The following CCDC149 variants were observed in gnomAD, a reference collection of about 807,000 sequenced individuals.
The protein encoded by CCDC149 is coiled-coil domain-containing protein 149.
Under a neutral mutation model 59.9 loss-of-function variants are expected in CCDC149, and 45 were observed. The ratio of observed to expected loss-of-function variants is 0.75; its 90% confidence interval spans 0.59 to 0.96. CCDC149 has a LOEUF of 0.96. Among genes scored for constraint, CCDC149 ranks in the 40% least tolerant of loss-of-function variants. CCDC149 has a pLI of 0.00. For synonymous variants in CCDC149, 245 were observed against 260.6 expected (o/e 0.94, Z 0.58); for missense variants, 584 against 664.7 (o/e 0.88, Z 1.33).
chr4:24,907,411 T>C (rs1721599181), intron 1 of CCDC149, among the ~76,000 whole-genome samples: 1 of 152,168 alleles, frequency 6.6e-6, no homozygotes, highest in Admixed American at 6.5e-5. Flanking sequence ...CCACGTGTCA[T>C]GCAGCAGGGC....
intron 1 of CCDC149, among the ~76,000 whole-genome samples, chr4:24,929,910 A>G (rs138921418): frequency 1.3e-5 from 2 of 152,330 alleles, no homozygotes; most frequent in African/African-American, 4.8e-5. Flanking sequence ...ACCAACAAGC[A>G]TGCACTTTGA....
At chr4:24,960,213 T>C (rs1189840229) in intron 1 of CCDC149, among the ~76,000 whole-genome samples, 1 of 152,188 alleles carries the variant, frequency 6.6e-6, no homozygotes, top group African/African-American at 2.4e-5. Context: ...GTCAACCATA[T>C]ACACTATAAC....
chr4:24,921,923 T>G (rs1388313201), intron 1 of CCDC149, among the ~76,000 whole-genome samples: 2 of 152,262 alleles, frequency 1.3e-5, no homozygotes, highest in East Asian at 1.9e-4. Flanking sequence ...TGGGGGTGTT[T>G]AAATAGCAGA....
At chr4:24,868,293 C>T (rs1207740584) in intron 3 of CCDC149, among the ~76,000 whole-genome samples, 1 of 152,180 alleles carries the variant, frequency 6.6e-6, no homozygotes, top group Admixed American at 6.5e-5. Flanking sequence ...ATTTTCCTCC[C>T]CATGCTGAAC....
chr4:24,813,919 A>T (rs1488648875), intron 12 of CCDC149, among the ~76,000 whole-genome samples: 1 of 152,214 alleles, frequency 6.6e-6, no homozygotes, highest in Non-Finnish European at 1.5e-5. Context: ...CAGCGATGTG[A>T]TAACAAACAT....
intron 4 of CCDC149, among the ~76,000 whole-genome samples, chr4:24,839,242 C>T (rs1206768367): frequency 2.0e-5 from 3 of 151,394 alleles, no homozygotes; most frequent in East Asian, 1.9e-4. Context: ...TGCAGTGGCA[C>T]GATCTTGGCT....
chr4:24,912,237 T>C (rs1468673210), intron 1 of CCDC149, among the ~76,000 whole-genome samples: 1 of 152,232 alleles, frequency 6.6e-6, no homozygotes, highest in Non-Finnish European at 1.5e-5. Flanking sequence ...CTTCTGCACC[T>C]GTGTTTCACT....
Position 24,898,471 on chromosome 4 carries a change from C to A in CCDC149, c.63+14346G>T, listed in dbSNP as rs189225254. On this transcript the variant is annotated intron_variant, in intron 1 of 12. Transcript: ENST00000635206. ...GGCATGTTCTGGGGCACTTCAGACA[C>A]TCCCAGCTCTCTTAGGGCCATGACT... Among the ~76,000 whole-genome samples, 426 of 152,322 alleles carry A rather than the reference C, an allele frequency of 2.8e-3. 5 individuals carry two copies. Among genetic ancestry groups the A allele is most frequent in the Admixed American group, 0.026 (391 of 15,300 alleles).
At chr4:24,847,166 A>G (rs1717340346) in intron 4 of CCDC149, among the ~76,000 whole-genome samples, 1 of 152,176 alleles carries the variant, frequency 6.6e-6, no homozygotes, top group South Asian at 2.1e-4. Flanking sequence ...GGACACATCT[A>G]GTTCACTGGA....
chr4:24,859,413 C>A (rs939753032), intron 3 of CCDC149, among the ~76,000 whole-genome samples: 4 of 151,946 alleles, frequency 2.6e-5, no homozygotes, highest in African/African-American at 9.7e-5. Flanking sequence ...ATGATTAAAA[C>A]CCTCAGCAAA....
intron 1 of CCDC149, among the ~76,000 whole-genome samples, chr4:24,936,696 C>T (rs1004067555): frequency 1.3e-5 from 2 of 151,490 alleles, no homozygotes; most frequent in African/African-American, 4.9e-5. Context: ...GATCAACCTC[C>T]ACAGTCCCCC....
In CCDC149 at chr4:24,821,068, T is replaced by C; in HGVS notation, c.1062A>G (p.Ser354=). ...AACAGAACATACTCCCAAATCCTAC[T>C]GAAACATTGTAGCTCAGGCCTTCAG... The change falls in exon 11 of 13, where the codon TCA becomes TCG. Residue 354 remains serine, a synonymous_variant. Coordinates refer to ENST00000635206, the MANE Select transcript of CCDC149 (RefSeq NM_001330643.2). The C allele has an allele frequency of 6.5e-6, 8 of 1,231,126 alleles. No homozygotes were observed. The highest frequency in any genetic ancestry group is 8.1e-6 in the Non-Finnish European group (8 of 987,556). 76.3% of individuals were successfully genotyped at this position (1,231,126 alleles called of 1,614,324 possible).
intron 6 of CCDC149, among the ~76,000 whole-genome samples, 153 bp from the exon 7 acceptor site, chr4:24,836,661 A>C (rs992206246): frequency 6.6e-6 from 1 of 152,272 alleles, no homozygotes; most frequent in Non-Finnish European, 1.5e-5. Flanking sequence ...AAACATGTGC[A>C]TCTTTGTGAC....
chr4:24,846,235 G>C (rs563172500), intron 4 of CCDC149, among the ~76,000 whole-genome samples: 1 of 152,200 alleles, frequency 6.6e-6, no homozygotes, highest in Non-Finnish European at 1.5e-5. Context: ...ATTGCCTATA[G>C]TTCATAATCA....
chr4:24,907,083 AACTTGTAATCAAAATTAAGG>A (rs1481647089), intron 1 of CCDC149, among the ~76,000 whole-genome samples: 1 of 152,172 alleles, frequency 6.6e-6, no homozygotes, highest in Non-Finnish European at 1.5e-5. Context: ...AAACAACAAA[AACTTGTAATCAAAATTAAGG>A]CATTATAGCA....
chr4:24,845,842 C>T (rs1717254501), intron 4 of CCDC149, among the ~76,000 whole-genome samples: 2 of 152,184 alleles, frequency 1.3e-5, no homozygotes, highest in Non-Finnish European at 2.9e-5. Context: ...AGCTAAGAAG[C>T]CCCTGAATCA....
intron 1 of CCDC149, among the ~76,000 whole-genome samples, chr4:24,962,450 C>A (rs1185715573): frequency 1.3e-5 from 2 of 152,192 alleles, no homozygotes; most frequent in Non-Finnish European, 2.9e-5. Context: ...ACCTAGCCAT[C>A]CCATTACTGG....
At chr4:24,910,184 C>G (rs1248235589) in intron 1 of CCDC149, among the ~76,000 whole-genome samples, 3 of 152,192 alleles carry the variant, frequency 2.0e-5, no homozygotes, top group Non-Finnish European at 4.4e-5. Context: ...GTGGCTGCAT[C>G]ACTCCAATCT....
chr4:24,865,633 T>A (rs1454940562), intron 3 of CCDC149, among the ~76,000 whole-genome samples: 3 of 152,234 alleles, frequency 2.0e-5, no homozygotes, highest in African/African-American at 7.2e-5. Context: ...CACTTGTGAA[T>A]GAATGCATTT....
Sources: gnomAD v4.1 joint callset for allele counts (sites outside exome capture counted in the v4.1 genomes callset) on GRCh38, gnomAD v4.1.1 for gene constraint, MANE v1.5 for transcripts, NCBI Gene and HGNC (gene_info 2026-07-23, HGNC 2026-07-21) for gene names.